Variants in ERGIC2 observed in about 807,000 individuals in gnomAD.
ERGIC2 encodes endoplasmic reticulum-Golgi intermediate compartment protein 2.
A neutral mutation model predicts 52.5 loss-of-function variants in ERGIC2; 31 were observed. The observed-to-expected ratio is 0.59, with a 90% CI of 0.44 to 0.80. The LOEUF (loss-of-function observed/expected upper bound fraction) is 0.80. Ranked by LOEUF, ERGIC2 falls within the 30% of genes least tolerant of loss-of-function variation. ERGIC2 has a pLI of 0.00. For missense variants in ERGIC2, 395 were observed against 455.2 expected, an observed-to-expected ratio of 0.87 and a Z score of 1.20; for synonymous variants, 129 against 140.6, an observed-to-expected ratio of 0.92 and a Z score of 0.58.
chr12:29,352,835 T>TC (rs1940151117), intron 8 of ERGIC2, among the ~76,000 whole-genome samples: 3 of 133,132 alleles, frequency 2.3e-5, no homozygotes, highest in Non-Finnish European at 3.5e-5. Flanking sequence ...AACCTGTTCT[T>TC]TTAGCACCTT....
At chr12:29,342,749 T>C (rs1949848353) in intron 12 of ERGIC2, among the ~76,000 whole-genome samples, 1 of 152,228 alleles carries the variant, frequency 6.6e-6, no homozygotes, top group Non-Finnish European at 1.5e-5. Context: ...TTTAATCCTA[T>C]AGCACACTTG....
chr12:29,355,143 T>C (rs1940184754), intron 8 of ERGIC2, among the ~76,000 whole-genome samples: 1 of 152,118 alleles, frequency 6.6e-6, no homozygotes, highest in Non-Finnish European at 1.5e-5. Flanking sequence ...CTCCTAGTGT[T>C]CAAAGGTCTT....
At chr12:29,366,660 A>G (rs1940366607) in intron 5 of ERGIC2, among the ~76,000 whole-genome samples, 1 of 151,918 alleles carries the variant, frequency 6.6e-6, no homozygotes, top group African/African-American at 2.4e-5. Context: ...CATCCAAAAT[A>G]CATCCAAAAT....
chr12:29,377,971 A>G (rs1940536756), intron 1 of ERGIC2, among the ~76,000 whole-genome samples: 2 of 152,232 alleles, frequency 1.3e-5, no homozygotes, highest in East Asian at 1.9e-4. Context: ...TGGTTAATAC[A>G]TATGGCCAAG....
At chr12:29,343,054 GAGA>G in intron 12 of ERGIC2, 63 bp downstream of exon 12, 1 of 1,367,814 alleles carries the variant, frequency 7.3e-7, no homozygotes. Flanking sequence ...TTGCCCCTTT[GAGA>G]AGAAGCAACT....
chr12:29,380,108 C>T (rs766214935), intron 1 of ERGIC2, among the ~76,000 whole-genome samples: 1 of 151,842 alleles, frequency 6.6e-6, no homozygotes, highest in Non-Finnish European at 1.5e-5. Flanking sequence ...CACCGCCAAC[C>T]CCCACCCTCC....
chr12:29,349,816 T>C (rs951563881), intron 9 of ERGIC2, among the ~76,000 whole-genome samples, 197 bp downstream of exon 9: 2 of 152,052 alleles, frequency 1.3e-5, no homozygotes, highest in Non-Finnish European at 2.9e-5. Flanking sequence ...CACTAGGCTT[T>C]CCTCCCTAAC....
intron 3 of ERGIC2, among the ~76,000 whole-genome samples, chr12:29,368,720 A>T (rs1019211632): frequency 6.6e-6 from 1 of 151,938 alleles, no homozygotes; most frequent in African/African-American, 2.4e-5. Flanking sequence ...TACAAATATT[A>T]TCTCCTTTAT....
intron 1 of ERGIC2, among the ~76,000 whole-genome samples, chr12:29,376,356 A>G (rs1289835800): frequency 1.3e-5 from 2 of 152,176 alleles, no homozygotes; most frequent in African/African-American, 2.4e-5. Context: ...GAATATATTC[A>G]TAATTTGCTT....
In ERGIC2 at chr12:29,345,452, C is replaced by G; in HGVS notation, c.816G>C (p.Val272=). The change falls in exon 11 of 14, where the codon GTG becomes GTC. Residue 272 remains valine, a synonymous_variant. Coordinates refer to ENST00000360150, the MANE Select transcript of ERGIC2 (RefSeq NM_016570.3). ...KISADTHQFS[V]TERERIINHA... The stretch of plus-strand genomic sequence containing the variant: ...GTTGGATTCAACTTACCCTTTCTGT[C>G]ACAGAAAACTGATGGGTGTCTGCTG... 11 of 1,569,328 alleles carry G rather than the reference C, an allele frequency of 7.0e-6. No individual in the cohort carries two copies. The Admixed American group carries it at 1.5e-4, about 22-fold the overall frequency.
intron 8 of ERGIC2, among the ~76,000 whole-genome samples, chr12:29,352,841 A>C (rs1940151404): frequency 6.6e-6 from 1 of 151,474 alleles, no homozygotes; most frequent in South Asian, 2.1e-4. Context: ...TTCTTTTAGC[A>C]CCTTTACACT....
chr12:29,366,560 C>A (rs764429155), intron 5 of ERGIC2, among the ~76,000 whole-genome samples: 2 of 151,672 alleles, frequency 1.3e-5, no homozygotes, highest in Non-Finnish European at 3.0e-5. Context: ...GAAAAAAACT[C>A]ATCACTATAA....
intron 1 of ERGIC2, chr12:29,372,931 G>A (rs999238075): frequency 6.6e-6 from 1 of 151,374 alleles, no homozygotes; most frequent in African/African-American, 2.4e-5. Flanking sequence ...AAAGTGCTGG[G>A]ATTATAGATG....
intron 6 of ERGIC2, among the ~76,000 whole-genome samples, chr12:29,358,458 A>G (rs1240162191): frequency 1.3e-5 from 2 of 152,170 alleles, no homozygotes; most frequent in Non-Finnish European, 1.5e-5. Context: ...TATGGTAGAT[A>G]CATGTCCTTA....
At chr12:29,348,945 AT>A in intron 10 of ERGIC2, 133 bp downstream of exon 10, 1 of 523,488 alleles carries the variant, frequency 1.9e-6, no homozygotes, top group Non-Finnish European at 3.4e-6. Context: ...TTCTCTTCAC[AT>A]ACATCTCAAT....
intron 8 of ERGIC2, among the ~76,000 whole-genome samples, chr12:29,355,761 T>C (rs1470415494): frequency 6.6e-6 from 1 of 152,082 alleles, no homozygotes; most frequent in Admixed American, 6.5e-5. Flanking sequence ...ATTAATGAAA[T>C]GTCTAGGTAA....
rs549151527 is a variant in ERGIC2, at chr12:29,364,384, T to C, written c.333+2493A>G. ...GGACTCTCTATTCAATAAATGGTGC[T>C]GGGAGAGCTGGCTAGCCATATGCAG... On this transcript the variant is annotated intron_variant, in intron 5 of 13. Coordinates refer to ENST00000360150, the MANE Select transcript of ERGIC2 (RefSeq NM_016570.3). 6.0e-4 allele frequency among the ~76,000 whole-genome samples: 91 copies of C among 152,170 alleles called. No homozygotes were observed. The East Asian group carries it at 0.014, about 24-fold the overall frequency.
rs1301999858 is a variant in ERGIC2, at chr12:29,341,202, C to A, written c.1088G>T (p.Gly363Val). 2 of 1,608,860 alleles carry A rather than the reference C, an allele frequency of 1.2e-6. No individual in the cohort carries two copies. Among genetic ancestry groups the A allele is most frequent in the East Asian group, 4.5e-5 (2 of 44,630 alleles). ...AAGAGGTAAGTGGTTGTCTGTGTGGCCATCCTCAAAAGGAACCTAAGGAGA... is the reference window on the plus strand; with the variant it reads ...AAGAGGTAAGTGGTTGTCTGTGTGGACATCCTCAAAAGGAACCTAAGGAGA... The part of the protein sequence containing the change: ...KPVNSVPFED[G>V]HTDNHLPLLE... The change falls in exon 14 of 14, where the codon GGC (glycine) becomes GTC (valine). Residue 363 changes from glycine (G) to valine (V), a missense_variant. Transcript: ENST00000360150.
chr12:29,346,279 C>T (rs904591897), intron 10 of ERGIC2, among the ~76,000 whole-genome samples: 12 of 151,156 alleles, frequency 7.9e-5, no homozygotes, highest in African/African-American at 2.9e-4. Context: ...GCCTTGACTT[C>T]CTGGGCTCCA....
Sources: allele counts gnomAD v4.1 joint callset (sites outside exome capture counted in the v4.1 genomes callset), GRCh38; gene constraint gnomAD v4.1.1; transcripts MANE v1.5; gene names NCBI Gene and HGNC (gene_info 2026-07-23, HGNC 2026-07-21).